IL18RAP: variants seen among roughly 807,000 people sequenced by gnomAD.
IL18RAP encodes interleukin-18 receptor accessory protein.
A neutral mutation model predicts 58.1 loss-of-function variants in IL18RAP; 37 were observed. The ratio of observed to expected loss-of-function variants is 0.64; its 90% CI spans 0.49 to 0.84. The LOEUF is 0.84. Among genes scored for constraint, IL18RAP ranks in the 40% least tolerant of loss-of-function variants. IL18RAP has a pLI of 0.00. For synonymous variants in IL18RAP, 268 were observed against 257.5 expected, an observed-to-expected ratio of 1.04 and a Z score of -0.39; for missense variants, 667 against 704.8, an observed-to-expected ratio of 0.95 and a Z score of 0.61.
intron 5 of IL18RAP, among the ~76,000 whole-genome samples, chr2:102,442,668 G>A (rs1302652643): frequency 6.6e-6 from 1 of 152,112 alleles, no homozygotes; most frequent in East Asian, 1.9e-4. Flanking sequence ...AAAAAAATGG[G>A]TAGAAAAAAG....
chr2:102,426,828 C>T (rs903750030), intron 3 of IL18RAP, among the ~76,000 whole-genome samples: 1 of 118,852 alleles, frequency 8.4e-6, no homozygotes, highest in East Asian at 2.2e-4. Context: ...AGTTATCTTG[C>T]TGTGAAATAT....
At chr2:102,422,109 C>G (rs2104284169), upstream of IL18RAP, among the ~76,000 whole-genome samples, 1 of 152,322 alleles carries the variant, frequency 6.6e-6, no homozygotes, top group South Asian at 2.1e-4. Context: ...CTCTACTCCT[C>G]TCTCTCCACC....
chr2:102,449,267 CA>C (rs894655690), intron 8 of IL18RAP, among the ~76,000 whole-genome samples: 2 of 151,178 alleles, frequency 1.3e-5, no homozygotes, highest in African/African-American at 2.4e-5. Flanking sequence ...GACTCCTTTT[CA>C]AAAAAAAGGA....
At chr2:102,440,467 A>C (rs983462301) in intron 4 of IL18RAP, 1 of 152,270 alleles carries the variant, frequency 6.6e-6, no homozygotes, top group Admixed American at 6.5e-5. Flanking sequence ...AGGAGGTGAA[A>C]GGATGGAGGG....
chr2:102,442,561 C>T lies in IL18RAP; in HGVS notation c.797-639C>T, dbSNP rs1048781865. 3.3e-5 allele frequency among the ~76,000 whole-genome samples: 5 copies of T among 152,120 alleles called. No individual in the cohort carries two copies. The South Asian group carries it at 8.3e-4, about 25-fold the overall frequency. On this transcript the variant is annotated intron_variant, in intron 5 of 9. Transcript: ENST00000687160. ...TTATAAGGTATTACCAGTGGAAAAA[C>T]GTTAAGGTGCAAAGATGAGTATTCA... is the stretch of plus-strand genomic sequence containing the variant.
chr2:102,424,442 T>G, intron 3 of IL18RAP, 28 bp downstream of exon 3: 2 of 1,583,990 alleles, frequency 1.3e-6, no homozygotes, highest in Non-Finnish European at 8.6e-7. Context: ...AAAATTAATA[T>G]AAGAGCATTG....
Position 102,451,961 on chromosome 2 carries a change from T to C in IL18RAP, c.1580T>C (p.Val527Ala). Residue 527 changes from valine to alanine, a missense_variant, in exon 10 of 10, where the codon GTG (valine) becomes GCG (alanine). Coordinates refer to ENST00000687160, the MANE Select transcript of IL18RAP (RefSeq NM_001393487.1). The stretch of plus-strand genomic sequence containing the variant: ...GAGCCAGAGTCTCTACCTCATCTCG[T>C]GAAAAAAGCTCTCAGGGTTTTGCCC... ...FQEPESLPHL[V>A]KKALRVLPTV... is the part of the protein sequence containing the mutation. The C allele has an allele frequency of 1.2e-6, 2 of 1,614,132 alleles. No homozygotes were observed. Among genetic ancestry groups the C allele is most frequent in the Non-Finnish European group, 8.5e-7 (1 of 1,180,014 alleles).
chr2:102,437,452 AAG>A (rs1682824760), intron 4 of IL18RAP, 90 bp downstream of exon 4: 1 of 1,312,160 alleles, frequency 7.6e-7, no homozygotes, highest in South Asian at 1.4e-5. Context: ...CTCTTAGGGA[AAG>A]AAAAGGATAG....
At chr2:102,445,383 C>A (rs949540878) in intron 7 of IL18RAP, 43 bp downstream of exon 7, 3 of 1,587,256 alleles carry the variant, frequency 1.9e-6, no homozygotes, top group Non-Finnish European at 1.7e-6. Flanking sequence ...ACTGCTTTCA[C>A]TTGAGAGGGG....
chr2:102,437,655 A>G (rs1682841223), intron 4 of IL18RAP, among the ~76,000 whole-genome samples: 1 of 152,218 alleles, frequency 6.6e-6, no homozygotes, highest in African/African-American at 2.4e-5. Context: ...ATATTGTGAC[A>G]TCCAGGTACC....
chr2:102,419,496 C>T (rs1681440135), upstream of IL18RAP: 1 of 152,294 alleles, frequency 6.6e-6, no homozygotes, highest in African/African-American at 2.4e-5. Flanking sequence ...CAGCACTTTC[C>T]TCTCTCTCCC....
chr2:102,419,122 C>T (rs182556066), upstream of IL18RAP, among the ~76,000 whole-genome samples: 5 of 152,170 alleles, frequency 3.3e-5, no homozygotes, highest in Admixed American at 1.3e-4. Context: ...ACGGAGTCTT[C>T]ACTTAAAAAA....
chr2:102,423,677 A>G (rs936895996), intron 1 of IL18RAP, 134 bp from the exon 2 acceptor site: 2 of 724,228 alleles, frequency 2.8e-6, no homozygotes, highest in Non-Finnish European at 4.6e-6. Flanking sequence ...CCTTTCCCCT[A>G]CAAAATAGAC....
intron 8 of IL18RAP, among the ~76,000 whole-genome samples, chr2:102,449,527 C>G (rs1683634491): frequency 6.6e-6 from 1 of 152,106 alleles, no homozygotes; most frequent in South Asian, 2.1e-4. Flanking sequence ...TTTTAGTGAT[C>G]AGATCTGGAG....
chr2:102,424,268 T>G lies in IL18RAP; in HGVS notation c.433T>G (p.Leu145Val). The G allele has an allele frequency of 6.2e-7, 1 of 1,614,118 alleles. No individual in the cohort carries two copies. Among genetic ancestry groups the G allele is most frequent in the Non-Finnish European group, 8.5e-7 (1 of 1,179,984 alleles). Residue 145 changes from leucine to valine, a missense_variant, in exon 3 of 10, where the codon TTA (leucine) becomes GTA (valine). By Grantham distance (32) the Leu-to-Val change is conservative. Coordinates refer to ENST00000687160, the MANE Select transcript of IL18RAP (RefSeq NM_001393487.1). ...YDVACCVKMI[L>V]EVKPQTNASC... is the part of the protein sequence containing the mutation. ...TGTAGCCTGTTGTGTCAAGATGATTTTAGAAGTTAAGCCCCAGACAAATGC... is the reference window on the plus strand; with the variant it reads ...TGTAGCCTGTTGTGTCAAGATGATTGTAGAAGTTAAGCCCCAGACAAATGC...
chr2:102,436,368 T>C (rs1682740191), intron 3 of IL18RAP, among the ~76,000 whole-genome samples: 1 of 152,188 alleles, frequency 6.6e-6, no homozygotes, highest in African/African-American at 2.4e-5. Flanking sequence ...TTTTGAAAAG[T>C]TCCTGATTCT....
chr2:102,427,219 C>A (rs911550132), intron 3 of IL18RAP, among the ~76,000 whole-genome samples: 1 of 152,018 alleles, frequency 6.6e-6, no homozygotes, highest in Non-Finnish European at 1.5e-5. Flanking sequence ...AGCATAGGAG[C>A]GTAGTTAACC....
chr2:102,445,062 A>G (rs1309478790), intron 6 of IL18RAP, 127 bp from the exon 7 acceptor site: 6 of 702,588 alleles, frequency 8.5e-6, no homozygotes, highest in Non-Finnish European at 1.4e-5. Flanking sequence ...TTCTCGTGGT[A>G]TCTTATACTA....
chr2:102,431,357 G>T (rs1682342422), intron 3 of IL18RAP, among the ~76,000 whole-genome samples: 1 of 151,990 alleles, frequency 6.6e-6, no homozygotes, highest in African/African-American at 2.4e-5. Flanking sequence ...TTCTTTCTTT[G>T]TCTTTGAATT....
Sources: allele counts gnomAD v4.1 joint callset (sites outside exome capture counted in the v4.1 genomes callset), GRCh38; gene constraint gnomAD v4.1.1; transcripts MANE v1.5; gene names NCBI Gene and HGNC (gene_info 2026-07-23, HGNC 2026-07-21).